UBE4B: variants seen among roughly 807,000 people sequenced by gnomAD.
UBE4B encodes ubiquitination factor E4B.
UBE4B carries 27 observed loss-of-function variants against 148.1 expected under a neutral mutation model. That is an observed-to-expected ratio of 0.18 (90% CI 0.13 to 0.25). The LOEUF (loss-of-function observed/expected upper bound fraction) is 0.25. Among genes scored for constraint, UBE4B ranks in the 10% least tolerant of loss-of-function variants. The pLI is 1.00. For missense variants in UBE4B, 1,170 were observed against 1,662.4 expected (o/e 0.70, Z 5.15); for synonymous variants, 596 against 619.3 (o/e 0.96, Z 0.56).
chr1:10,156,137 T>C (rs1393738795), intron 21 of UBE4B, among the ~76,000 whole-genome samples: 1 of 151,722 alleles, frequency 6.6e-6, no homozygotes, highest in Non-Finnish European at 1.5e-5. Flanking sequence ...GACCTGGGAA[T>C]TAGAACTTGG....
intron 23 of UBE4B, among the ~76,000 whole-genome samples, chr1:10,167,544 T>A (rs1646272346): frequency 6.6e-6 from 1 of 151,140 alleles, no homozygotes; most frequent in African/African-American, 2.4e-5. Context: ...TGTCAGATAC[T>A]ATGTTCCATT....
chr1:10,051,768 T>G (rs1570782823), intron 1 of UBE4B, among the ~76,000 whole-genome samples: 1 of 152,272 alleles, frequency 6.6e-6, no homozygotes, highest in Middle Eastern at 3.4e-3. Context: ...CAGCCTGAGG[T>G]GACACACTTT....
chr1:10,103,129 T>G, intron 5 of UBE4B, 37 bp downstream of exon 5: 1 of 1,541,004 alleles, frequency 6.5e-7, no homozygotes, highest in Non-Finnish European at 8.8e-7. Flanking sequence ...TGCAGAGTAC[T>G]CGACAAGAAA....
chr1:10,165,555 A>G (rs1646233782), intron 23 of UBE4B, among the ~76,000 whole-genome samples: 1 of 152,108 alleles, frequency 6.6e-6, no homozygotes, highest in African/African-American at 2.4e-5. Context: ...AGCAGCCTAC[A>G]GCACGCAGGA....
rs1570803666 is a variant in UBE4B, at chr1:10,062,064, C to G, written c.25-9964C>G. 2.0e-5 allele frequency among the ~76,000 whole-genome samples: 3 copies of G among 151,842 alleles called. No homozygotes were observed. The South Asian group carries it at 6.2e-4, about 32-fold the overall frequency. ...ATCTGGGATTACAGGCGGGCACCAC[C>G]ACACCCAGCTAATTTTTGTATTTTT... is the stretch of plus-strand genomic sequence containing the variant. On this transcript the variant is annotated intron_variant, in intron 1 of 27. Coordinates refer to ENST00000343090, the MANE Select transcript of UBE4B (RefSeq NM_001105562.3).
chr1:10,162,895 C>T (rs796717877), intron 23 of UBE4B, among the ~76,000 whole-genome samples: 7 of 152,170 alleles, frequency 4.6e-5, no homozygotes, highest in African/African-American at 1.7e-4. Flanking sequence ...AAAGTTCTAC[C>T]CATTCTCTGA....
rs142904047 is a variant in UBE4B at position 10,117,877 on chromosome 1, G to A, written c.1338+277G>A. On this transcript the variant is annotated intron_variant, in intron 8 of 27. Transcript: ENST00000343090. Reference sequence around the variant, plus strand: ...CTTGACCACACTGTAGCTCGGTACCGCCAGTGACTCATATGGCCCTGATAA... The same window carrying A: ...CTTGACCACACTGTAGCTCGGTACCACCAGTGACTCATATGGCCCTGATAA... 1.8e-3 allele frequency among the ~76,000 whole-genome samples: 269 copies of A among 152,284 alleles called. 1 individual carries two copies. The highest frequency in any genetic ancestry group is 1.2e-3 in the Non-Finnish European group (83 of 68,010).
At chr1:10,057,420 C>CTT (rs1359827824) in intron 1 of UBE4B, among the ~76,000 whole-genome samples, 35 of 132,900 alleles carry the variant, frequency 2.6e-4, no homozygotes, top group Admixed American at 3.8e-4. Context: ...AGTCTTTTCT[C>CTT]TTTTTTTTTT....
At chr1:10,037,150 C>G (rs113826563) in intron 1 of UBE4B, among the ~76,000 whole-genome samples, 7,990 of 152,170 alleles carry the variant, frequency 0.053, 251 homozygotes, top group Middle Eastern at 0.14. Context: ...GCGTCAGCCT[C>G]CCAAGTAGCT....
At chr1:10,119,177 G>A (rs750688347) in intron 8 of UBE4B, among the ~76,000 whole-genome samples, 3 of 151,956 alleles carry the variant, frequency 2.0e-5, no homozygotes, top group Non-Finnish European at 2.9e-5. Flanking sequence ...CACCGTGCCC[G>A]GCCCAGGCTA....
At chr1:10,042,680 C>T (rs946273107) in intron 1 of UBE4B, among the ~76,000 whole-genome samples, 23 of 152,118 alleles carry the variant, frequency 1.5e-4, no homozygotes, top group African/African-American at 5.6e-4. Flanking sequence ...AACATGTTCA[C>T]ATAAGGTGTC....
chr1:10,154,008 C>T (rs1570992593), intron 21 of UBE4B, among the ~76,000 whole-genome samples: 1 of 151,112 alleles, frequency 6.6e-6, no homozygotes, highest in Non-Finnish European at 1.5e-5. Flanking sequence ...CTTGAACCCG[C>T]GAGGCAGAGG....
intron 2 of UBE4B, among the ~76,000 whole-genome samples, chr1:10,076,350 C>T (rs185448690): frequency 8.5e-4 from 128 of 150,946 alleles, no homozygotes; most frequent in African/African-American, 3.0e-3. Context: ...TTTTAAGCAA[C>T]TCTCCTGCCT....
chr1:10,129,340 G>T, intron 11 of UBE4B, 52 bp from the exon 12 acceptor site: 1 of 1,532,876 alleles, frequency 6.5e-7, no homozygotes, highest in South Asian at 1.1e-5. Context: ...TGCTACAAAT[G>T]ACAGTCAGTT....
intron 2 of UBE4B, among the ~76,000 whole-genome samples, chr1:10,083,944 C>T (rs968516912): frequency 2.0e-5 from 3 of 152,142 alleles, no homozygotes; most frequent in African/African-American, 7.2e-5. Flanking sequence ...GTTCTTGAGA[C>T]GTGTGCAGTG....
intron 27 of UBE4B, 42 bp from the exon 28 acceptor site, chr1:10,179,853 C>T (rs1646480665): frequency 2.5e-6 from 4 of 1,608,368 alleles, no homozygotes; most frequent in Non-Finnish European, 3.4e-6. Flanking sequence ...AGGAAGAGCC[C>T]TCCCATCTGG....
chr1:10,166,786 A>G (rs1045178996), intron 23 of UBE4B, among the ~76,000 whole-genome samples: 1 of 152,012 alleles, frequency 6.6e-6, no homozygotes, highest in Non-Finnish European at 1.5e-5. Context: ...TTAGTCAAGC[A>G]TGGTGGCACG....
chr1:10,126,684 C>T, intron 10 of UBE4B, 110 bp from the exon 11 acceptor site: 4 of 936,856 alleles, frequency 4.3e-6, no homozygotes, highest in Middle Eastern at 2.5e-4. Flanking sequence ...AAGCTTTTCC[C>T]TGGGGAAGGA....
At position 10,124,248 on chromosome 1, in the gene UBE4B, A is replaced by G. The variant is rs575124305; in HGVS notation, c.1554+2172A>G. 8.1e-5 allele frequency among the ~76,000 whole-genome samples: 12 copies of G among 147,576 alleles called. No individual in the cohort carries two copies. In the East Asian group the frequency reaches 2.3e-3, roughly 28 times the overall value. ...GCCGTCTCAGCTCACTGCAACTTCC[A>G]CCTTCTGGGTTCGAGCGATTCTCCT... On this transcript the variant is annotated intron_variant, in intron 10 of 27. Coordinates refer to ENST00000343090, the MANE Select transcript of UBE4B (RefSeq NM_001105562.3).
Sources: allele counts gnomAD v4.1 joint callset (sites outside exome capture counted in the v4.1 genomes callset), GRCh38; gene constraint gnomAD v4.1.1; transcripts MANE v1.5; gene names NCBI Gene and HGNC (gene_info 2026-07-23, HGNC 2026-07-21).